Variants in PANX1 observed in about 807,000 individuals in gnomAD.
The protein encoded by PANX1 is pannexin-1.
Under a neutral mutation model 38.7 loss-of-function variants are expected in PANX1, and 30 were observed. That is an observed-to-expected ratio of 0.78 (90% confidence interval 0.58 to 1.05). The LOEUF is 1.05. Ranked by LOEUF, PANX1 falls within the 50% of genes least tolerant of loss-of-function variation. The pLI, the probability that PANX1 is intolerant of heterozygous loss-of-function variation, is 0.00. For missense variants in PANX1, 551 were observed against 517.2 expected (o/e 1.07, Z -0.63); for synonymous variants, 230 against 212.2 (o/e 1.08, Z -0.73).
chr11:94,130,099 A>G (rs935225897), intron 1 of PANX1, among the ~76,000 whole-genome samples: 3 of 152,230 alleles, frequency 2.0e-5, no homozygotes, highest in Admixed American at 6.5e-5. Flanking sequence ...TTTGAGCTTC[A>G]TAACAGTTGT....
At chr11:94,134,880 T>G (rs1946670439) in intron 1 of PANX1, among the ~76,000 whole-genome samples, 1 of 152,142 alleles carries the variant, frequency 6.6e-6, no homozygotes. Flanking sequence ...AAATAACTGT[T>G]GTTTAAGCCA....
intron 1 of PANX1, among the ~76,000 whole-genome samples, chr11:94,143,752 T>C (rs1946792512): frequency 6.6e-6 from 1 of 151,966 alleles, no homozygotes; most frequent in African/African-American, 2.4e-5. Flanking sequence ...CATATCTTTT[T>C]TTTTTTTTCT....
chr11:94,164,581 C>T (rs975553787), intron 2 of PANX1, among the ~76,000 whole-genome samples: 4 of 152,124 alleles, frequency 2.6e-5, no homozygotes, highest in South Asian at 2.1e-4. Flanking sequence ...TTGAATTTTT[C>T]GAGACTTGTT....
chr11:94,151,903 C>T (rs1946886380), intron 1 of PANX1, among the ~76,000 whole-genome samples: 1 of 152,212 alleles, frequency 6.6e-6, no homozygotes, highest in Non-Finnish European at 1.5e-5. Context: ...TGTGGGTGCA[C>T]AGGCCCCTGA....
intron 1 of PANX1, among the ~76,000 whole-genome samples, chr11:94,145,773 T>A (rs1946822246): frequency 6.6e-6 from 1 of 152,168 alleles, no homozygotes; most frequent in African/African-American, 2.4e-5. Flanking sequence ...TGTGTACAGT[T>A]TGGGATTGAG....
Position 94,129,110 on chromosome 11 carries a change from G to A in PANX1, c.-203G>A, listed in dbSNP as rs1318861557. 7.0e-6 allele frequency: 3 copies of A among 430,840 alleles called. No individual in the cohort carries two copies. Among genetic ancestry groups the A allele is most frequent in the Admixed American group, 4.4e-5 (1 of 22,854 alleles). The allele number at this position is 430,840 out of a possible 1,614,324, so 26.7% of individuals were successfully genotyped here. ...GGTTCCCGCCCCGCCCCGCCCCGCC[G>A]GCGGCGGAGGCAGCGAGCGCGAGAG... On this transcript the variant is annotated 5_prime_UTR_variant, in exon 1 of 5. Coordinates refer to ENST00000227638, the MANE Select transcript of PANX1 (RefSeq NM_015368.4).
intron 2 of PANX1, among the ~76,000 whole-genome samples, chr11:94,161,843 TG>T (rs1947041549): frequency 6.6e-6 from 1 of 152,210 alleles, no homozygotes; most frequent in African/African-American, 2.4e-5. Flanking sequence ...TCCCCATCTT[TG>T]TGGTTTTATC....
chr11:94,131,028 A>G (rs1024251340), intron 1 of PANX1, among the ~76,000 whole-genome samples: 4 of 152,204 alleles, frequency 2.6e-5, no homozygotes, highest in African/African-American at 9.7e-5. Flanking sequence ...TCCAGCTGAA[A>G]GCAAAACCAC....
chr11:94,152,599 A>C (rs542825221), intron 1 of PANX1, among the ~76,000 whole-genome samples: 1 of 152,176 alleles, frequency 6.6e-6, no homozygotes, highest in Admixed American at 6.5e-5. Context: ...GGCAAGGCCT[A>C]GCGCCAGCCC....
At chr11:94,173,870 A>G (rs946074322) in intron 2 of PANX1, among the ~76,000 whole-genome samples, 3 of 151,758 alleles carry the variant, frequency 2.0e-5, no homozygotes, top group African/African-American at 7.3e-5. Context: ...ATCTGCTATA[A>G]CAAATTACAA....
rs185646115 is a variant in PANX1, at chr11:94,132,288, C to T, written c.181+2795C>T. Among the ~76,000 whole-genome samples the T allele has an allele frequency of 3.5e-4, 54 of 152,296 alleles. 2 individuals are homozygous for T. Among genetic ancestry groups the T allele is most frequent in the African/African-American group, 1.3e-3 (52 of 41,552 alleles). On this transcript the variant is annotated intron_variant, in intron 1 of 4. Transcript: ENST00000227638. ...GTAGAGAAGTTGAACGCATAACCCTCCTAATGCAGGATTCATGGAACCTGG... is the reference window on the plus strand; with the variant it reads ...GTAGAGAAGTTGAACGCATAACCCTTCTAATGCAGGATTCATGGAACCTGG...
intron 1 of PANX1, among the ~76,000 whole-genome samples, chr11:94,132,351 G>A (rs1211638864): frequency 6.6e-6 from 1 of 152,200 alleles, no homozygotes; most frequent in East Asian, 1.9e-4. Context: ...TGATGCTGTG[G>A]AAAGGCAGAA....
rs139920522 is a variant in PANX1 at position 94,179,705 on chromosome 11, C to T, written c.649C>T (p.Arg217Cys). 11 of 1,613,570 alleles carry T rather than the reference C, an allele frequency of 6.8e-6. No homozygotes were observed. Among genetic ancestry groups the T allele is most frequent in the East Asian group, 2.2e-5 (1 of 44,886 alleles). Residue 217 changes from arginine to cysteine, a missense_variant, in exon 4 of 5, where the codon CGC (arginine) becomes TGC (cysteine). Coordinates refer to ENST00000227638, the MANE Select transcript of PANX1 (RefSeq NM_015368.4). ...TTTAATCATCAAGTACATTAGCTGC[C>T]GCCTGCTGACACTCATCATTATACT... ...NNLIIKYISC[R>C]LLTLIIILLA...
At chr11:94,131,686 A>T (rs905275718) in intron 1 of PANX1, among the ~76,000 whole-genome samples, 11 of 152,228 alleles carry the variant, frequency 7.2e-5, no homozygotes, top group Non-Finnish European at 1.2e-4. Context: ...AGCTAACAGG[A>T]CCAGGGAAGA....
intron 2 of PANX1, among the ~76,000 whole-genome samples, chr11:94,159,065 A>G (rs1396672126): frequency 1.3e-5 from 2 of 152,158 alleles, no homozygotes; most frequent in African/African-American, 4.8e-5. Flanking sequence ...TGATTTGCGT[A>G]TGTTGAACCA....
intron 3 of PANX1, 46 bp downstream of exon 3, chr11:94,178,638 T>G (rs1220716430): frequency 1.4e-6 from 2 of 1,426,608 alleles, no homozygotes; most frequent in African/African-American, 1.4e-5. Flanking sequence ...GTAGGACAAA[T>G]TCTCTGCCCT....
chr11:94,141,497 A>G (rs115826400), intron 1 of PANX1, among the ~76,000 whole-genome samples: 1,876 of 152,224 alleles, frequency 0.012, 39 homozygotes, highest in African/African-American at 0.043. Flanking sequence ...GTTTGATCCT[A>G]GAGAGACTGA....
intron 1 of PANX1, among the ~76,000 whole-genome samples, chr11:94,136,548 AC>A (rs1470610822): frequency 4.6e-5 from 7 of 152,284 alleles, no homozygotes; most frequent in Non-Finnish European, 8.8e-5. Flanking sequence ...TGGGAGGCCG[AC>A]GTGGGCGGAT....
chr11:94,146,754 G>A (rs1276176396), intron 1 of PANX1, among the ~76,000 whole-genome samples: 1 of 152,226 alleles, frequency 6.6e-6, no homozygotes, highest in Non-Finnish European at 1.5e-5. Flanking sequence ...GACAGAGAAA[G>A]TTCCAGGATA....
Sources: allele counts gnomAD v4.1 joint callset (sites outside exome capture counted in the v4.1 genomes callset), GRCh38; gene constraint gnomAD v4.1.1; transcripts MANE v1.5; gene names NCBI Gene and HGNC (gene_info 2026-07-23, HGNC 2026-07-21).